The following C12orf42 variants were observed in gnomAD, a reference collection of about 807,000 sequenced individuals.
C12orf42 encodes uncharacterized protein C12orf42.
Under a neutral mutation model 21.6 loss-of-function variants are expected in C12orf42, and 25 were observed. The observed-to-expected ratio is 1.16, with a 90% CI of 0.84 to 1.62. C12orf42 has a LOEUF of 1.62. Ranked by LOEUF, C12orf42 falls within the 40% of genes most tolerant of loss-of-function variation. The probability of loss-of-function intolerance (pLI) is 0.00; values close to 1 mark genes in which losing one functional copy is unlikely to be tolerated. For synonymous variants in C12orf42, 174 were observed against 175.0 expected (o/e 0.99, Z 0.05); for missense variants, 483 against 459.3 (o/e 1.05, Z -0.47).
chr12:103,216,613 C>T, the C12orf42 span, among the ~76,000 whole-genome samples: 39 of 151,878 alleles, frequency 2.6e-4, no homozygotes, highest in African/African-American at 8.7e-4. Context: ...CTCCTGACCT[C>T]GTGATCCACC....
chr12:103,109,781 GA>G, the C12orf42 span, among the ~76,000 whole-genome samples: 2 of 151,698 alleles, frequency 1.3e-5, no homozygotes, highest in African/African-American at 4.8e-5. Flanking sequence ...AAATGCAAAT[GA>G]AAAGATTAAA....
At chr12:103,507,046 A>C in the C12orf42 span, among the ~76,000 whole-genome samples, 1 of 6,268 alleles carries the variant, frequency 1.6e-4, no homozygotes, top group Non-Finnish European at 2.3e-4. Context: ...ATATATTTAT[A>C]TAAAATATAT....
intron 2 of C12orf42, among the ~76,000 whole-genome samples, chr12:103,427,954 C>A (rs1424929006): frequency 6.6e-6 from 1 of 152,208 alleles, no homozygotes; most frequent in East Asian, 1.9e-4. Context: ...GTACCAGAAT[C>A]TCTGGGACAC....
intron 4 of C12orf42, among the ~76,000 whole-genome samples, chr12:103,335,648 A>C (rs1288710877): frequency 6.6e-6 from 1 of 152,230 alleles, no homozygotes; most frequent in Non-Finnish European, 1.5e-5. Context: ...AGAGACAGGC[A>C]ATTGAAATGT....
At chr12:103,423,710 C>T (rs1949559377) in intron 2 of C12orf42, among the ~76,000 whole-genome samples, 1 of 152,150 alleles carries the variant, frequency 6.6e-6, no homozygotes, top group African/African-American at 2.4e-5. Flanking sequence ...TGACGACAGA[C>T]TTGACAGATA....
chr12:103,346,216 T>C (rs1038248942), intron 4 of C12orf42, among the ~76,000 whole-genome samples: 8 of 152,222 alleles, frequency 5.3e-5, no homozygotes, highest in Non-Finnish European at 1.2e-4. Flanking sequence ...TGCCATTAAA[T>C]ATTAAATTAG....
chr12:103,103,627 TA>T, the C12orf42 span, among the ~76,000 whole-genome samples: 2 of 152,290 alleles, frequency 1.3e-5, no homozygotes, highest in East Asian at 1.9e-4. Context: ...TTGAGCCCAA[TA>T]TTTTTTTTTC....
At chr12:103,224,901 T>C in the C12orf42 span, among the ~76,000 whole-genome samples, 1,985 of 152,250 alleles carry the variant, frequency 0.013, 16 homozygotes, top group South Asian at 0.024. Context: ...TGTTGTTTTG[T>C]AAGGGATTGA....
intron 3 of C12orf42, among the ~76,000 whole-genome samples, chr12:103,394,220 G>C (rs2047319176): frequency 6.6e-6 from 1 of 152,234 alleles, no homozygotes; most frequent in African/African-American, 2.4e-5. Context: ...GATTGAGAAT[G>C]AGTTCTGCGC....
chr12:103,375,448 C>A (rs1409382481), intron 3 of C12orf42, among the ~76,000 whole-genome samples: 1 of 151,950 alleles, frequency 6.6e-6, no homozygotes, highest in Non-Finnish European at 1.5e-5. Context: ...TAAAAATTAT[C>A]AAAAATGATT....
intron 2 of C12orf42, among the ~76,000 whole-genome samples, chr12:103,417,289 A>G (rs1338148268): frequency 3.3e-5 from 5 of 152,198 alleles, no homozygotes; most frequent in Non-Finnish European, 7.3e-5. Context: ...AGCACTAACC[A>G]GTCTCCCTCT....
At chr12:103,171,225 A>G in the C12orf42 span, among the ~76,000 whole-genome samples, 1 of 152,154 alleles carries the variant, frequency 6.6e-6, no homozygotes, top group East Asian at 1.9e-4. Flanking sequence ...ACAATCTTTC[A>G]TTATATCACT....
chr12:103,399,247 C>T (rs1024652038), intron 3 of C12orf42, among the ~76,000 whole-genome samples: 3 of 151,516 alleles, frequency 2.0e-5, no homozygotes, highest in Non-Finnish European at 4.4e-5. Context: ...TATTTTATTG[C>T]TTTGAACCCC....
the C12orf42 span, among the ~76,000 whole-genome samples, chr12:103,184,409 C>T: frequency 3.3e-5 from 5 of 152,226 alleles, no homozygotes; most frequent in South Asian, 1.0e-3. Context: ...CTTTTTCCAT[C>T]CTTTTAATTT....
At chr12:103,336,203 C>T (rs1184942021) in intron 4 of C12orf42, among the ~76,000 whole-genome samples, 1 of 152,216 alleles carries the variant, frequency 6.6e-6, no homozygotes, top group Non-Finnish European at 1.5e-5. Flanking sequence ...CGCCTAGTGG[C>T]ATCTTTAATT....
intron 3 of C12orf42, among the ~76,000 whole-genome samples, chr12:103,370,049 A>G (rs1180148714): frequency 6.6e-6 from 1 of 152,044 alleles, no homozygotes. Context: ...AACAAACAAC[A>G]CCATTACAAA....
chr12:103,450,519 T>C (rs1951869228), intron 2 of C12orf42, among the ~76,000 whole-genome samples: 1 of 152,120 alleles, frequency 6.6e-6, no homozygotes, highest in Admixed American at 6.5e-5. Context: ...GACAAATAAT[T>C]TGAGGTGAAG....
the C12orf42 span, among the ~76,000 whole-genome samples, chr12:103,147,464 G>A: frequency 6.7e-6 from 1 of 149,664 alleles, no homozygotes; most frequent in South Asian, 2.1e-4. Context: ...GTGACACAGA[G>A]GTTAATTTTT....
chr12:103,246,632 T>G (rs930300987), intron 10 of C12orf42, among the ~76,000 whole-genome samples: 2 of 152,090 alleles, frequency 1.3e-5, no homozygotes, highest in African/African-American at 4.8e-5. Context: ...AGTTCAACCG[T>G]GCAAAGATTT....
Sources: allele counts gnomAD v4.1 joint callset (sites outside exome capture counted in the v4.1 genomes callset), GRCh38; gene constraint gnomAD v4.1.1; transcripts MANE v1.5; gene names NCBI Gene and HGNC (gene_info 2026-07-23, HGNC 2026-07-21).